Variants in NAV2 observed in about 807,000 individuals in gnomAD.
The protein encoded by NAV2 is neuron navigator 2.
A neutral mutation model predicts 223.2 loss-of-function variants in NAV2; 54 were observed. The ratio of observed to expected loss-of-function variants is 0.24; its 90% CI spans 0.19 to 0.30. The LOEUF is 0.30. Ranked by LOEUF, NAV2 falls within the 10% of genes least tolerant of loss-of-function variation. The pLI, the probability that NAV2 is intolerant of heterozygous loss-of-function variation, is 1.00. For synonymous variants in NAV2, 1,279 were observed against 1,239.3 expected (o/e 1.03, Z -0.67); for missense variants, 2,806 against 3,147.5 (o/e 0.89, Z 2.60).
chr11:19,683,628 C>A (rs1330013892), intron 1 of NAV2, among the ~76,000 whole-genome samples: 1 of 152,270 alleles, frequency 6.6e-6, no homozygotes, highest in Non-Finnish European at 1.5e-5. Context: ...GTGGTCCCCA[C>A]TGCCTGCCTC....
At chr11:19,752,102 T>C (rs1182600416) in intron 1 of NAV2, among the ~76,000 whole-genome samples, 1 of 152,170 alleles carries the variant, frequency 6.6e-6, no homozygotes, top group Non-Finnish European at 1.5e-5. Context: ...AGATCAAACA[T>C]TTTCAGAAGG....
chr11:19,852,718 T>A (rs762995232), intron 3 of NAV2, among the ~76,000 whole-genome samples: 4 of 152,210 alleles, frequency 2.6e-5, no homozygotes, highest in Non-Finnish European at 4.4e-5. Flanking sequence ...ATAGTTTTTT[T>A]AAAAATCTCT....
rs142414411 is a variant in NAV2 at position 19,606,497 on chromosome 11, C to T, written c.76-225987C>T. 2.8e-3 allele frequency among the ~76,000 whole-genome samples: 421 copies of T among 152,260 alleles called. 5 individuals carry two copies. The highest frequency in any genetic ancestry group is 9.8e-3 in the African/African-American group (407 of 41,554). ...ATTTTCCACTTTTTTCTCCCTTAAC[C>T]GTCCTCTCCTCACCTGCCCCTCCCA... On this transcript the variant is annotated intron_variant, in intron 1 of 37. Transcript: ENST00000360655.
At chr11:19,512,868 A>T (rs1047592646) in intron 1 of NAV2, among the ~76,000 whole-genome samples, 3 of 152,190 alleles carry the variant, frequency 2.0e-5, no homozygotes, top group Admixed American at 1.3e-4. Flanking sequence ...GTGCTGTGAC[A>T]CTGGCTTGGA....
At chr11:19,787,270 C>CTTTTTTTTTTTTT (rs757183666) in intron 1 of NAV2, among the ~76,000 whole-genome samples, 2 of 55,002 alleles carry the variant, frequency 3.6e-5, no homozygotes, top group African/African-American at 1.2e-4. Flanking sequence ...TTTATTGGAT[C>CTTTTTTTTTTTTT]TTTTTTTTTT....
intron 6 of NAV2, among the ~76,000 whole-genome samples, chr11:19,898,245 A>C (rs1422714907): frequency 6.6e-6 from 1 of 152,296 alleles, no homozygotes; most frequent in East Asian, 1.9e-4. Context: ...TACAAAAATA[A>C]TGGAAGATAT....
At chr11:19,821,353 CT>C (rs2059372917) in intron 1 of NAV2, among the ~76,000 whole-genome samples, 2 of 151,736 alleles carry the variant, frequency 1.3e-5, no homozygotes, top group African/African-American at 4.8e-5. Context: ...CACCCTCATC[CT>C]TAAAATATCA....
chr11:19,416,751 T>C (rs1002194912), intron 1 of NAV2, among the ~76,000 whole-genome samples: 4 of 152,120 alleles, frequency 2.6e-5, no homozygotes, highest in African/African-American at 7.2e-5. Context: ...AACAGATATA[T>C]AGACCAATGG....
intron 1 of NAV2, among the ~76,000 whole-genome samples, chr11:19,467,258 G>C (rs1852400462): frequency 6.6e-6 from 1 of 151,992 alleles, no homozygotes; most frequent in South Asian, 2.1e-4. Context: ...AGTCAATAAG[G>C]CATATTTCTT....
chr11:19,622,085 A>G (rs910114791), intron 1 of NAV2, among the ~76,000 whole-genome samples: 1 of 152,144 alleles, frequency 6.6e-6, no homozygotes. Flanking sequence ...TTTCTTAATC[A>G]TGAGTTCTAG....
rs145299085 is a variant in NAV2 at position 19,798,570 on chromosome 11, G to T, written c.268-33914G>T. ...GAGGCTGGCCACGGGGAGCCCTCAT[G>T]CTTGTTTCTGACTGTGGATAAAGTA... On this transcript the variant is annotated intron_variant, in intron 1 of 37. Coordinates refer to ENST00000349880, the MANE Select transcript of NAV2 (RefSeq NM_145117.5). 3.3e-3 allele frequency among the ~76,000 whole-genome samples: 496 copies of T among 152,284 alleles called. 7 individuals are homozygous for T. The highest frequency in any genetic ancestry group is 0.012 in the African/African-American group (478 of 41,558).
intron 1 of NAV2, among the ~76,000 whole-genome samples, chr11:19,385,240 G>C (rs1848989918): frequency 6.6e-6 from 1 of 152,178 alleles, no homozygotes. Flanking sequence ...TGTAAAACCA[G>C]TTTAAATTCT....
At chr11:19,516,074 C>A (rs916596134) in intron 1 of NAV2, among the ~76,000 whole-genome samples, 1 of 152,154 alleles carries the variant, frequency 6.6e-6, no homozygotes, top group African/African-American at 2.4e-5. Flanking sequence ...GAGTTATGAG[C>A]ATGTAATTCA....
At position 19,501,283 on chromosome 11, in the gene NAV2, G is replaced by A. The variant is rs114201272; in HGVS notation, c.75+150256G>A. On this transcript the variant is annotated intron_variant, in intron 1 of 37. Coordinates refer to the NAV2 transcript ENST00000360655. ...ATTACATTTGCACAGTCCCTTTTGC[G>A]TGTAATATATTCACAGATTCCAGCA... Among the ~76,000 whole-genome samples the A allele has an allele frequency of 1.6e-3, 242 of 152,222 alleles. 2 individuals carry two copies. The highest frequency in any genetic ancestry group is 5.3e-3 in the African/African-American group (221 of 41,542).
chr11:19,544,311 G>A (rs2044425725), intron 1 of NAV2, among the ~76,000 whole-genome samples: 1 of 152,152 alleles, frequency 6.6e-6, no homozygotes. Context: ...CCAGCAGAAT[G>A]GGATCCGTGC....
At chr11:20,019,070 A>C (rs1179625164) in intron 11 of NAV2, among the ~76,000 whole-genome samples, 1 of 152,202 alleles carries the variant, frequency 6.6e-6, no homozygotes, top group African/African-American at 2.4e-5. Context: ...CTGGGAAGCT[A>C]TCAGTGGGCT....
At chr11:19,411,914 A>G (rs1850162904) in intron 1 of NAV2, among the ~76,000 whole-genome samples, 1 of 152,194 alleles carries the variant, frequency 6.6e-6, no homozygotes, top group South Asian at 2.1e-4. Flanking sequence ...TCAAGATTGT[A>G]AAGATGAAGA....
chr11:19,480,893 C>T (rs2042256988), intron 1 of NAV2, among the ~76,000 whole-genome samples: 1 of 152,172 alleles, frequency 6.6e-6, no homozygotes, highest in South Asian at 2.1e-4. Flanking sequence ...TCACGTGTTC[C>T]CTCTCTGAAC....
chr11:19,898,284 CAAAG>C (rs1230825556), intron 6 of NAV2, among the ~76,000 whole-genome samples: 1 of 152,044 alleles, frequency 6.6e-6, no homozygotes, highest in Non-Finnish European at 1.5e-5. Flanking sequence ...TATTCAAAGA[CAAAG>C]AACCCTACAT....
Sources: gnomAD v4.1 joint callset for allele counts (sites outside exome capture counted in the v4.1 genomes callset) on GRCh38, gnomAD v4.1.1 for gene constraint, MANE v1.5 for transcripts, NCBI Gene and HGNC (gene_info 2026-07-23, HGNC 2026-07-21) for gene names.